CERS3: variants seen among roughly 807,000 people sequenced by gnomAD.
The protein encoded by CERS3 is LAG1 homolog, ceramide synthase 3.
A neutral mutation model predicts 50.3 loss-of-function variants in CERS3; 33 were observed. The observed-to-expected ratio is 0.66, with a 90% CI of 0.50 to 0.88. The LOEUF is 0.88. CERS3 is among the 40% of genes least tolerant of loss of function. The pLI, the probability that CERS3 is intolerant of heterozygous loss-of-function variation, is 0.00. For missense variants in CERS3, 470 were observed against 460.3 expected (o/e 1.02, Z -0.19); for synonymous variants, 176 against 155.2 (o/e 1.13, Z -0.99).
intron 11 of CERS3, among the ~76,000 whole-genome samples, chr15:100,410,432 C>A (rs1489098139): frequency 6.6e-6 from 1 of 152,130 alleles, no homozygotes; most frequent in African/African-American, 2.4e-5. Context: ...GAACATACAA[C>A]ACACCAGGAG....
chr15:100,406,517 T>C (rs889087417), intron 11 of CERS3, among the ~76,000 whole-genome samples: 2 of 152,210 alleles, frequency 1.3e-5, no homozygotes, highest in South Asian at 4.1e-4. Context: ...GGCTCATCTC[T>C]GTATGTTCGG....
intron 8 of CERS3, among the ~76,000 whole-genome samples, chr15:100,475,150 T>C (rs1464356626): frequency 6.6e-6 from 1 of 152,220 alleles, no homozygotes; most frequent in Non-Finnish European, 1.5e-5. Context: ...ATTCCTAGCC[T>C]AAAGTTAGTA....
intron 1 of CERS3, among the ~76,000 whole-genome samples, chr15:100,526,096 G>A (rs1273938349): frequency 1.3e-5 from 2 of 152,164 alleles, no homozygotes; most frequent in African/African-American, 4.8e-5. Flanking sequence ...CAGTTTCTCT[G>A]GATTCAAACA....
At chr15:100,422,927 G>T (rs777353322) in intron 11 of CERS3, among the ~76,000 whole-genome samples, 25 of 131,896 alleles carry the variant, frequency 1.9e-4, no homozygotes, top group African/African-American at 7.1e-4. Flanking sequence ...ACACTCTGGG[G>T]ACTGTTGTGG....
rs966455033 is a variant in CERS3 at position 100,539,380 on chromosome 15, A to G, written c.-355+5271T>C. On this transcript the variant is annotated intron_variant, in intron 1 of 12. Transcript: ENST00000284382. ...ATGTACTGTATTAGTCCATTTTCAT[A>G]CTGTTATAAAGAACTGCTCAAGACT... Among the ~76,000 whole-genome samples, 5 of 152,100 alleles carry G rather than the reference A, an allele frequency of 3.3e-5. No homozygotes were observed. In the South Asian group the frequency reaches 1.0e-3, roughly 31 times the overall value.
chr15:100,461,025 A>C (rs1469023455), intron 10 of CERS3, among the ~76,000 whole-genome samples: 1 of 152,022 alleles, frequency 6.6e-6, no homozygotes, highest in Non-Finnish European at 1.5e-5. Flanking sequence ...GTGTAAGATG[A>C]GGTGGGAGAG....
chr15:100,492,658 T>C (rs1020789357), intron 3 of CERS3, among the ~76,000 whole-genome samples: 1 of 152,220 alleles, frequency 6.6e-6, no homozygotes, highest in East Asian at 1.9e-4. Flanking sequence ...AACTATTTTA[T>C]CTATGCCTTT....
At chr15:100,457,966 T>C (rs1210935762) in intron 10 of CERS3, among the ~76,000 whole-genome samples, 2 of 152,230 alleles carry the variant, frequency 1.3e-5, no homozygotes, top group Non-Finnish European at 2.9e-5. Context: ...ACTGAAATTA[T>C]TTCTATGAAA....
At chr15:100,501,630 T>TA (rs1380000734) in intron 3 of CERS3, 47 bp downstream of exon 3, 1 of 1,496,158 alleles carries the variant, frequency 6.7e-7, no homozygotes, top group Middle Eastern at 1.7e-4. Context: ...ATTCTAGTGT[T>TA]AGAGCAAAGA....
chr15:100,532,485 G>T (rs536288590), upstream of CERS3, among the ~76,000 whole-genome samples: 1 of 152,242 alleles, frequency 6.6e-6, no homozygotes, highest in East Asian at 1.9e-4. Context: ...CTACCAAACT[G>T]CCAGGTGCGA....
At chr15:100,454,208 T>C (rs376276398) in intron 11 of CERS3, among the ~76,000 whole-genome samples, 16 of 152,082 alleles carry the variant, frequency 1.1e-4, no homozygotes, top group Admixed American at 7.2e-4. Context: ...CTGGAAAACA[T>C]AGAGACCCCA....
intron 11 of CERS3, among the ~76,000 whole-genome samples, chr15:100,416,421 G>C (rs2031909318): frequency 6.6e-6 from 1 of 152,194 alleles, no homozygotes; most frequent in Non-Finnish European, 1.5e-5. Context: ...GGGATAGCTG[G>C]CAAGCTACAG....
chr15:100,484,413 C>T, intron 5 of CERS3, 137 bp downstream of exon 5: 1 of 634,430 alleles, frequency 1.6e-6, no homozygotes, highest in South Asian at 1.9e-5. Context: ...ATGTGAGGAG[C>T]CTAAAACACC....
chr15:100,544,310 G>A (rs944141742), intron 1 of CERS3: 3 of 147,298 alleles, frequency 2.0e-5, no homozygotes, highest in Non-Finnish European at 4.5e-5. Flanking sequence ...AGCGCGACTG[G>A]GCCCCAGGAC....
chr15:100,533,008 T>G (rs2036977109), upstream of CERS3, among the ~76,000 whole-genome samples: 1 of 152,180 alleles, frequency 6.6e-6, no homozygotes. Context: ...GGACCTGAAC[T>G]TCATCTTCCC....
intron 11 of CERS3, among the ~76,000 whole-genome samples, chr15:100,420,086 C>A (rs1427421041): frequency 2.1e-5 from 3 of 144,126 alleles, no homozygotes; most frequent in Non-Finnish European, 3.0e-5. Flanking sequence ...AAAATCAGAG[C>A]AGAACTGAAG....
intron 4 of CERS3, among the ~76,000 whole-genome samples, chr15:100,487,419 C>T (rs768323578): frequency 6.6e-6 from 1 of 152,204 alleles, no homozygotes; most frequent in Non-Finnish European, 1.5e-5. Context: ...TAATTATGCT[C>T]AATTCACAGA....
chr15:100,481,296 GTC>G (rs1004696731), intron 5 of CERS3, among the ~76,000 whole-genome samples: 1 of 152,174 alleles, frequency 6.6e-6, no homozygotes, highest in African/African-American at 2.4e-5. Flanking sequence ...CTAGACGACA[GTC>G]TTTCTTCATG....
rs569225377 is a variant in CERS3 at position 100,535,744 on chromosome 15, G to A, written c.-354-6669C>T. ...GATATCCCTATGCTCATATGTGCAC[G>A]GGAAGTGGGGACATCCCTATGTTCA... On this transcript the variant is annotated intron_variant, in intron 1 of 12. Transcript: ENST00000284382. Among the ~76,000 whole-genome samples the A allele has an allele frequency of 2.6e-4, 32 of 121,626 alleles. 2 individuals carry two copies. The highest frequency in any genetic ancestry group is 1.7e-3 in the Admixed American group (19 of 11,278). 79.8% of individuals were successfully genotyped at this position (121,626 alleles called of 152,430 possible).
Sources: allele counts gnomAD v4.1 joint callset (sites outside exome capture counted in the v4.1 genomes callset), GRCh38; gene constraint gnomAD v4.1.1; transcripts MANE v1.5; gene names NCBI Gene and HGNC (gene_info 2026-07-23, HGNC 2026-07-21).